The following EEF2K variants were observed in gnomAD, a reference collection of about 807,000 sequenced individuals.
EEF2K encodes the protein eukaryotic elongation factor 2 kinase.
EEF2K carries 70 observed loss-of-function variants against 93.8 expected under a neutral mutation model. The ratio of observed to expected loss-of-function variants is 0.75; its 90% CI spans 0.62 to 0.91. The LOEUF is 0.91. Ranked by LOEUF, EEF2K falls within the 40% of genes least tolerant of loss-of-function variation. EEF2K has a pLI of 0.00. For missense variants in EEF2K, 935 were observed against 972.9 expected (o/e 0.96, Z 0.52); for synonymous variants, 376 against 380.8 (o/e 0.99, Z 0.15).
chr16:22,280,386 G>T lies in EEF2K; in HGVS notation c.2068+10G>T. The T allele has an allele frequency of 6.7e-7, 1 of 1,492,082 alleles. No individual in the cohort carries two copies. The highest frequency in any genetic ancestry group is 9.0e-7 in the Non-Finnish European group (1 of 1,115,250). The allele number at this position is 1,492,082 out of a possible 1,614,324, so 92.4% of individuals were successfully genotyped here. A position where few individuals can be genotyped will look rare whatever the true frequency, so the allele number is the denominator to read the frequency against. On this transcript the variant is annotated intron_variant, in intron 17 of 17. Coordinates refer to ENST00000263026, the MANE Select transcript of EEF2K (RefSeq NM_013302.5). ...GACCCGCAGAGATCAGGTAGGGCCT[G>T]GCAGACCTGCCCCTGGGCTGCAACA...
intron 3 of EEF2K, among the ~76,000 whole-genome samples, chr16:22,245,419 A>G (rs1385997316): frequency 1.3e-5 from 2 of 152,086 alleles, no homozygotes; most frequent in African/African-American, 4.8e-5. Context: ...CAAACTGTGC[A>G]GCTCTGGAGA....
chr16:22,254,847 G>A (rs747105497), intron 6 of EEF2K, among the ~76,000 whole-genome samples: 2 of 152,010 alleles, frequency 1.3e-5, no homozygotes, highest in African/African-American at 2.4e-5. Context: ...GTGGGGGGGC[G>A]GATCACTTGA....
intron 1 of EEF2K, among the ~76,000 whole-genome samples, chr16:22,208,668 G>A (rs1271732534): frequency 6.6e-6 from 1 of 152,084 alleles, no homozygotes; most frequent in Non-Finnish European, 1.5e-5. Flanking sequence ...GGGGTGCTGA[G>A]GCGGGAGGAT....
At chr16:22,280,650 C>CT (rs1017000381) in intron 17 of EEF2K, among the ~76,000 whole-genome samples, 1 of 148,830 alleles carries the variant, frequency 6.7e-6, no homozygotes, top group African/African-American at 2.5e-5. Flanking sequence ...GGGGGTTTTC[C>CT]TTTCCTTTCT....
chr16:22,217,614 C>T lies in EEF2K; in HGVS notation c.-76-8040C>T, dbSNP rs572290696. 1.6e-4 allele frequency among the ~76,000 whole-genome samples: 25 copies of T among 152,086 alleles called. No homozygotes were observed. In the East Asian group the frequency reaches 3.3e-3, roughly 20 times the overall value. ...ATTACCGGCTCGTGCCACCATGCCC[C>T]GCTAATTTTTGTATTTTTAGTAGAG... On this transcript the variant is annotated intron_variant, in intron 1 of 17. Transcript: ENST00000263026.
chr16:22,219,467 C>G (rs1051030610), intron 1 of EEF2K, among the ~76,000 whole-genome samples: 9 of 151,902 alleles, frequency 5.9e-5, no homozygotes, highest in Non-Finnish European at 1.2e-4. Flanking sequence ...TGTGTCTCTA[C>G]AAAAATAAAA....
chr16:22,238,135 CA>C (rs1320190579), intron 2 of EEF2K, among the ~76,000 whole-genome samples: 2 of 152,012 alleles, frequency 1.3e-5, no homozygotes, highest in Non-Finnish European at 2.9e-5. Context: ...ACTAAAAATA[CA>C]AAAATTAGCC....
At chr16:22,259,816 G>A (rs2047444736) in intron 10 of EEF2K, among the ~76,000 whole-genome samples, 2 of 151,960 alleles carry the variant, frequency 1.3e-5, no homozygotes, top group Non-Finnish European at 2.9e-5. Context: ...GCGGTGGCGT[G>A]ATCTTGGCTC....
At chr16:22,237,979 C>T (rs545153562) in intron 2 of EEF2K, among the ~76,000 whole-genome samples, 1 of 152,050 alleles carries the variant, frequency 6.6e-6, no homozygotes, top group East Asian at 1.9e-4. Flanking sequence ...TTTTTTCCCC[C>T]CTAAACAATA....
chr16:22,236,516 A>G (rs2047169328), intron 2 of EEF2K, among the ~76,000 whole-genome samples: 2 of 151,954 alleles, frequency 1.3e-5, no homozygotes, highest in Non-Finnish European at 2.9e-5. Flanking sequence ...TAAAGTCTGC[A>G]GAAGTGATGA....
chr16:22,255,420 C>T (rs1162979574), intron 6 of EEF2K, among the ~76,000 whole-genome samples: 1 of 152,142 alleles, frequency 6.6e-6, no homozygotes, highest in East Asian at 1.9e-4. Context: ...AGGGGTTTGC[C>T]ATGGACCACA....
intron 17 of EEF2K, among the ~76,000 whole-genome samples, chr16:22,281,870 T>TCA (rs552534579): frequency 2.5e-4 from 38 of 152,340 alleles, no homozygotes; most frequent in South Asian, 1.0e-3. Context: ...TATCCATTCA[T>TCA]CAGTTGATAG....
rs2046974118 is a variant in EEF2K at position 22,217,851 on chromosome 16, A to G, written c.-76-7803A>G. On this transcript the variant is annotated intron_variant, in intron 1 of 17. Transcript: ENST00000263026. ...CCCCCCAAAAGGCGGGGTTTATTGT[A>G]TCATCTGATTCAGAAATCTACGCTG... 2.6e-5 allele frequency among the ~76,000 whole-genome samples: 4 copies of G among 152,316 alleles called. No homozygotes were observed. In the South Asian group the frequency reaches 8.3e-4, roughly 32 times the overall value.
chr16:22,262,589 G>T (rs919435283), intron 11 of EEF2K, among the ~76,000 whole-genome samples: 1 of 152,094 alleles, frequency 6.6e-6, no homozygotes, highest in African/African-American at 2.4e-5. Flanking sequence ...ATTTTTGTCC[G>T]TGGGTCATAG....
At chr16:22,264,964 T>C in intron 13 of EEF2K, 84 bp downstream of exon 13, 2 of 1,507,314 alleles carry the variant, frequency 1.3e-6, no homozygotes, top group Non-Finnish European at 9.2e-7. Flanking sequence ...CTCATATCTC[T>C]GCTGCCTGCC....
chr16:22,273,314 G>A (rs1466832680), intron 15 of EEF2K, among the ~76,000 whole-genome samples: 1 of 152,128 alleles, frequency 6.6e-6, no homozygotes, highest in Non-Finnish European at 1.5e-5. Flanking sequence ...CTAGGTTGTG[G>A]GGCCATAGCC....
intron 11 of EEF2K, 44 bp downstream of exon 11, chr16:22,260,573 G>A (rs1193143429): frequency 1.9e-6 from 3 of 1,612,328 alleles, no homozygotes; most frequent in African/African-American, 2.7e-5. Flanking sequence ...GACCCCAGCA[G>A]GGGTAGGAGT....
At chr16:22,260,372 G>T in intron 10 of EEF2K, 90 bp from the exon 11 acceptor site, 1 of 1,254,996 alleles carries the variant, frequency 8.0e-7, no homozygotes, top group Non-Finnish European at 1.1e-6. Context: ...AAGGCTTGGT[G>T]GCAGGTATGG....
At chr16:22,264,485 A>G (rs1426171588) in intron 12 of EEF2K, among the ~76,000 whole-genome samples, 6 of 151,830 alleles carry the variant, frequency 4.0e-5, no homozygotes, top group African/African-American at 1.5e-4. Context: ...TAAAATATAA[A>G]CTAAACATGC....
Sources: gnomAD v4.1 joint callset for allele counts (sites outside exome capture counted in the v4.1 genomes callset) on GRCh38, gnomAD v4.1.1 for gene constraint, MANE v1.5 for transcripts, NCBI Gene and HGNC (gene_info 2026-07-23, HGNC 2026-07-21) for gene names.